Variants in RTTN observed in about 807,000 individuals in gnomAD.
RTTN encodes rotatin.
Under a neutral mutation model 269.2 loss-of-function variants are expected in RTTN, and 182 were observed. That is an observed-to-expected ratio of 0.68 (90% CI 0.60 to 0.76). The LOEUF is 0.76. Among genes scored for constraint, RTTN ranks in the 30% least tolerant of loss-of-function variants. The pLI is 0.00. For missense variants in RTTN, 2,545 were observed against 2,608.6 expected (o/e 0.98, Z 0.53); for synonymous variants, 1,006 against 963.5 (o/e 1.04, Z -0.82).
At chr18:70,193,740 G>A (rs920153802) in intron 7 of RTTN, among the ~76,000 whole-genome samples, 1 of 152,182 alleles carries the variant, frequency 6.6e-6, no homozygotes, top group Non-Finnish European at 1.5e-5. Context: ...GCACTCGTCT[G>A]CTTAAAACTC....
intron 15 of RTTN, 126 bp downstream of exon 15, chr18:70,150,482 C>T (rs1309340697): frequency 1.2e-6 from 1 of 815,056 alleles, no homozygotes; most frequent in Non-Finnish European, 2.0e-6. Context: ...TCAACTGAAC[C>T]AATGCACCAA....
intron 34 of RTTN, among the ~76,000 whole-genome samples, chr18:70,067,898 G>A (rs1241857944): frequency 1.3e-5 from 2 of 152,188 alleles, no homozygotes; most frequent in Non-Finnish European, 2.9e-5. Flanking sequence ...ATTTTCCTTA[G>A]TATAGTCCAC....
chr18:70,149,924 C>T (rs749752307), intron 16 of RTTN, 47 bp downstream of exon 16: 1 of 1,287,928 alleles, frequency 7.8e-7, no homozygotes, highest in South Asian at 1.2e-5. Context: ...TCAATCACAC[C>T]CAGCCAAAGA....
intron 28 of RTTN, among the ~76,000 whole-genome samples, chr18:70,106,240 G>A (rs374667577): frequency 1.3e-5 from 2 of 152,204 alleles, no homozygotes; most frequent in South Asian, 4.1e-4. Context: ...AGCTACTTGG[G>A]AGGCTGAGGT....
At chr18:70,074,042 T>C (rs377212333) in intron 33 of RTTN, 48 bp from the exon 34 acceptor site, 86 of 1,268,736 alleles carry the variant, frequency 6.8e-5, no homozygotes, top group African/African-American at 5.0e-4. Context: ...CTAGGAACTG[T>C]AACAATTAAT....
At chr18:70,049,877 T>C (rs1042409270) in intron 39 of RTTN, among the ~76,000 whole-genome samples, 2 of 152,192 alleles carry the variant, frequency 1.3e-5, no homozygotes, top group Non-Finnish European at 2.9e-5. Flanking sequence ...AAAATTCTGA[T>C]GTGATGAGAA....
chr18:70,165,459 A>C (rs2145901102), intron 14 of RTTN, among the ~76,000 whole-genome samples: 1 of 152,090 alleles, frequency 6.6e-6, no homozygotes, highest in East Asian at 1.9e-4. Flanking sequence ...AATAAAAATG[A>C]ATCAGAAGTA....
chr18:70,161,774 T>C (rs2060837953), intron 14 of RTTN, among the ~76,000 whole-genome samples: 1 of 151,736 alleles, frequency 6.6e-6, no homozygotes, highest in African/African-American at 2.4e-5. Flanking sequence ...ATTAGAAAAA[T>C]TCAAATCAAA....
At chr18:70,046,671 A>G (rs1444893928) in intron 40 of RTTN, among the ~76,000 whole-genome samples, 1 of 152,192 alleles carries the variant, frequency 6.6e-6, no homozygotes, top group Non-Finnish European at 1.5e-5. Flanking sequence ...ACAGTGAGGT[A>G]GTAGGTACAG....
chr18:70,005,050 T>TA (rs2056140685), intron 48 of RTTN, 148 bp downstream of exon 48: 1 of 517,024 alleles, frequency 1.9e-6, no homozygotes, highest in Non-Finnish European at 3.4e-6. Context: ...TTTATTATTT[T>TA]AAAAAATGAT....
At chr18:70,077,426 T>C (rs2058456080) in intron 32 of RTTN, among the ~76,000 whole-genome samples, 1 of 151,934 alleles carries the variant, frequency 6.6e-6, no homozygotes, top group South Asian at 2.1e-4. Context: ...GATTCTTTAT[T>C]CTGTTCAAGG....
intron 22 of RTTN, 133 bp downstream of exon 22, chr18:70,135,051 T>G (rs566808277): frequency 1.6e-5 from 8 of 491,844 alleles, no homozygotes; most frequent in African/African-American, 1.4e-4. Context: ...AAATCAAAAT[T>G]CATACCACAT....
chr18:70,021,918 T>A (rs2145531242), intron 44 of RTTN, among the ~76,000 whole-genome samples: 1 of 152,318 alleles, frequency 6.6e-6, no homozygotes, highest in Non-Finnish European at 1.5e-5. Context: ...CTTCTCTGTA[T>A]AACCTTTGAT....
At chr18:70,170,923 A>G (rs2061124856) in intron 11 of RTTN, among the ~76,000 whole-genome samples, 1 of 152,182 alleles carries the variant, frequency 6.6e-6, no homozygotes, top group Admixed American at 6.5e-5. Flanking sequence ...GCTGACTCTA[A>G]GGTTTTTGCC....
intron 38 of RTTN, 95 bp from the exon 39 acceptor site, chr18:70,051,643 T>A: frequency 1.2e-6 from 1 of 861,302 alleles, no homozygotes; most frequent in Non-Finnish European, 1.7e-6. Context: ...TCATTACACT[T>A]AAAATGAGGG....
At chr18:70,007,591 A>C (rs996698509) in intron 46 of RTTN, 6 of 152,254 alleles carry the variant, frequency 3.9e-5, no homozygotes, top group Admixed American at 3.3e-4. Flanking sequence ...TCCACCATTA[A>C]TGAGGCTTAA....
chr18:70,012,240 A>G (rs1284671477), intron 46 of RTTN, among the ~76,000 whole-genome samples: 4 of 114,630 alleles, frequency 3.5e-5, no homozygotes, highest in Non-Finnish European at 5.3e-5. Context: ...TAGTTACAGC[A>G]CAGTGTCTGT....
chr18:70,025,886 C>T (rs974682914), intron 43 of RTTN, among the ~76,000 whole-genome samples: 10 of 152,200 alleles, frequency 6.6e-5, no homozygotes, highest in Admixed American at 5.2e-4. Context: ...GCTCTTCCTG[C>T]CTCCTCAGGG....
At chr18:70,100,239 G>A (rs555825211) in intron 28 of RTTN, among the ~76,000 whole-genome samples, 1 of 152,278 alleles carries the variant, frequency 6.6e-6, no homozygotes, top group African/African-American at 2.4e-5. Flanking sequence ...ATTTGTTTGT[G>A]TCCTCTTTTA....
Sources: gnomAD v4.1 joint callset for allele counts (sites outside exome capture counted in the v4.1 genomes callset) on GRCh38, gnomAD v4.1.1 for gene constraint, MANE v1.5 for transcripts, NCBI Gene and HGNC (gene_info 2026-07-23, HGNC 2026-07-21) for gene names.